The following WDPCP variants were observed in gnomAD, a reference collection of about 807,000 sequenced individuals.
WDPCP encodes the protein WD repeat-containing and planar cell polarity effector protein fritz homolog.
In WDPCP, 71 loss-of-function variants were observed where a neutral mutation model predicts 93.1. That is an observed-to-expected ratio of 0.76 (90% confidence interval 0.63 to 0.93). WDPCP has a LOEUF of 0.93. WDPCP is among the 40% of genes least tolerant of loss of function. WDPCP has a pLI of 0.00. For synonymous variants in WDPCP, 315 were observed against 315.0 expected (o/e 1.00, Z 0.00); for missense variants, 844 against 887.4 (o/e 0.95, Z 0.62).
intron 9 of WDPCP, among the ~76,000 whole-genome samples, chr2:63,424,964 T>C (rs1428835275): frequency 6.6e-6 from 1 of 152,216 alleles, no homozygotes; most frequent in Middle Eastern, 3.4e-3. Flanking sequence ...TGTGCTGAAA[T>C]ACAAGAGCCA....
chr2:63,317,996 A>T (rs928872895), intron 12 of WDPCP, among the ~76,000 whole-genome samples: 1 of 152,200 alleles, frequency 6.6e-6, no homozygotes, highest in Non-Finnish European at 1.5e-5. Flanking sequence ...ACAGAATGGG[A>T]GAAAATATTC....
intron 14 of WDPCP, among the ~76,000 whole-genome samples, chr2:63,210,553 G>A (rs1676697436): frequency 6.6e-6 from 1 of 152,134 alleles, no homozygotes; most frequent in Admixed American, 6.5e-5. Flanking sequence ...GGTGATTTCT[G>A]CATTTCCAAC....
chr2:63,811,286 G>A lies in WDPCP; in HGVS notation n.308+2336C>T, dbSNP rs563793505. 1.2e-3 allele frequency among the ~76,000 whole-genome samples: 185 copies of A among 152,188 alleles called. 1 individual carries two copies. Among genetic ancestry groups the A allele is most frequent in the African/African-American group, 4.3e-3 (180 of 41,506 alleles). ...AACTTGTTTATAACTAATAAAATAC[G>A]GCAAAGGTGATGGGATGTCACTCCC... On this transcript the variant is annotated intron_variant and non_coding_transcript_variant, in intron 2 of 4. Transcript: ENST00000467687.
intron 12 of WDPCP, among the ~76,000 whole-genome samples, chr2:63,360,437 T>C (rs1690362781): frequency 6.6e-6 from 1 of 152,204 alleles, no homozygotes; most frequent in Non-Finnish European, 1.5e-5. Flanking sequence ...ATTCTCTAGA[T>C]TCTTTCAATT....
chr2:63,732,174 A>T (rs1379985599), intron 2 of WDPCP, among the ~76,000 whole-genome samples: 1 of 152,244 alleles, frequency 6.6e-6, no homozygotes, highest in Non-Finnish European at 1.5e-5. Context: ...GGTGCTATGC[A>T]ATCATAGCTT....
intron 2 of WDPCP, among the ~76,000 whole-genome samples, chr2:63,801,470 C>CTTTG (rs959708936): frequency 2.6e-5 from 4 of 152,166 alleles, no homozygotes; most frequent in African/African-American, 9.7e-5. Flanking sequence ...AAGAACAAAG[C>CTTTG]TCCCACAGCA....
intron 2 of WDPCP, among the ~76,000 whole-genome samples, chr2:63,791,657 A>G (rs956275306): frequency 6.6e-6 from 1 of 152,118 alleles, no homozygotes; most frequent in African/African-American, 2.4e-5. Context: ...AGTGATCCTG[A>G]AGGCCATCAG....
intron 9 of WDPCP, among the ~76,000 whole-genome samples, chr2:63,429,699 C>T (rs539182922): frequency 5.9e-5 from 9 of 151,922 alleles, no homozygotes; most frequent in East Asian, 1.9e-4. Flanking sequence ...AAATTGGTGA[C>T]GCTGCAGAAA....
chr2:63,181,823 G>A (rs1321602917), intron 14 of WDPCP, among the ~76,000 whole-genome samples: 1 of 150,714 alleles, frequency 6.6e-6, no homozygotes, highest in Admixed American at 6.6e-5. Context: ...GAACATGGGA[G>A]GTTTTTCCAT....
chr2:63,565,731 G>A (rs1296065199), intron 1 of WDPCP, among the ~76,000 whole-genome samples: 1 of 151,962 alleles, frequency 6.6e-6, no homozygotes, highest in Non-Finnish European at 1.5e-5. Flanking sequence ...TTATATTATA[G>A]GTTATATAAC....
chr2:63,588,461 G>T lies in WDPCP; in HGVS notation c.-190C>A. 5.8e-6 allele frequency: 4 copies of T among 692,692 alleles called. No homozygotes were observed. In the South Asian group the frequency reaches 6.4e-5, roughly 11 times the overall value. The allele number at this position is 692,692 out of a possible 1,614,324, so 42.9% of individuals were successfully genotyped here. A position where few individuals can be genotyped will look rare whatever the true frequency, so the allele number is the denominator to read the frequency against. ...CGCTTAGCAACCTGAGAAGCTGTCC[G>T]GTCGTCCCAACTTATCAATTCCCCC... On this transcript the variant is annotated 5_prime_UTR_variant, in exon 1 of 18. Transcript: ENST00000272321.
chr2:63,822,893 T>C (rs1671044653), intron 1 of WDPCP, among the ~76,000 whole-genome samples: 1 of 150,732 alleles, frequency 6.6e-6, no homozygotes, highest in Admixed American at 6.6e-5. Context: ...GGTATATATA[T>C]ATTCATTTAT....
chr2:63,327,484 T>G (rs1687646432), intron 12 of WDPCP, among the ~76,000 whole-genome samples: 1 of 152,178 alleles, frequency 6.6e-6, no homozygotes, highest in African/African-American at 2.4e-5. Context: ...AATCTATCCT[T>G]ACTCTACAAT....
chr2:63,269,628 A>G (rs1320198577), intron 13 of WDPCP, among the ~76,000 whole-genome samples: 2 of 152,234 alleles, frequency 1.3e-5, no homozygotes, highest in African/African-American at 4.8e-5. Context: ...TATAAGTACT[A>G]TAACATATTG....
At chr2:63,807,636 T>C (rs765857128) in intron 2 of WDPCP, among the ~76,000 whole-genome samples, 2 of 152,206 alleles carry the variant, frequency 1.3e-5, no homozygotes, top group Non-Finnish European at 2.9e-5. Flanking sequence ...CTTTTACTAA[T>C]CTCTCACAAA....
intron 1 of WDPCP, among the ~76,000 whole-genome samples, chr2:63,527,491 T>C (rs1263722354): frequency 6.6e-6 from 1 of 151,876 alleles, no homozygotes; most frequent in Non-Finnish European, 1.5e-5. Flanking sequence ...GTCCTTGCGA[T>C]AGTTTGCTCA....
intron 1 of WDPCP, among the ~76,000 whole-genome samples, chr2:63,819,443 A>G (rs1670987119): frequency 6.6e-6 from 1 of 152,170 alleles, no homozygotes; most frequent in Non-Finnish European, 1.5e-5. Flanking sequence ...CCTAATAGTC[A>G]TAAACCAGCA....
intron 3 of WDPCP, among the ~76,000 whole-genome samples, chr2:63,606,450 T>C (rs1251963949): frequency 6.6e-6 from 1 of 152,246 alleles, no homozygotes; most frequent in East Asian, 1.9e-4. Context: ...TTCTCAGCTT[T>C]AAAACTATAT....
intron 14 of WDPCP, among the ~76,000 whole-genome samples, chr2:63,205,959 G>T (rs1488874069): frequency 2.0e-5 from 3 of 152,134 alleles, no homozygotes; most frequent in African/African-American, 7.2e-5. Flanking sequence ...CCAGCTGTGG[G>T]TCTGTCATAT....
Sources: gnomAD v4.1 joint callset for allele counts (sites outside exome capture counted in the v4.1 genomes callset) on GRCh38, gnomAD v4.1.1 for gene constraint, MANE v1.5 for transcripts, NCBI Gene and HGNC (gene_info 2026-07-23, HGNC 2026-07-21) for gene names.